DACH2: variants seen among roughly 807,000 people sequenced by gnomAD.
The protein encoded by DACH2 is dachshund family transcription factor 2, also known as dachshund homolog 2.
A neutral mutation model predicts 35.8 loss-of-function variants in DACH2; 17 were observed. The ratio of observed to expected loss-of-function variants is 0.48; its 90% confidence interval spans 0.33 to 0.71. The LOEUF is 0.71. DACH2 is among the 30% of genes least tolerant of loss of function. DACH2 has a pLI of 0.02. For synonymous variants in DACH2, 195 were observed against 177.3 expected (o/e 1.10, Z -0.79); for missense variants, 469 against 472.7 (o/e 0.99, Z 0.07).
chrX:86,556,756 G>GTGTATATA (rs2039125753), intron 3 of DACH2, among the ~76,000 whole-genome samples: 1 of 25,452 alleles, frequency 3.9e-5, no homozygotes, highest in South Asian at 5.9e-3. Context: ...AATAGGATAT[G>GTGTATATA]TATATATATA....
intron 4 of DACH2, among the ~76,000 whole-genome samples, chrX:86,655,508 G>A (rs181160106): frequency 1.8e-3 from 201 of 112,009 alleles, no homozygotes; most frequent in African/African-American, 6.4e-3. Context: ...GGTCAAGTAC[G>A]TAAATGAAAT....
chrX:86,822,079 C>T (rs2042518210), intron 11 of DACH2, among the ~76,000 whole-genome samples: 1 of 111,636 alleles, frequency 9.0e-6, no homozygotes, highest in Admixed American at 9.6e-5. Flanking sequence ...CATATGCCAA[C>T]CCCAACCTAG....
At chrX:86,684,863 T>G in intron 4 of DACH2, among the ~76,000 whole-genome samples, 1 of 111,542 alleles carries the variant, frequency 9.0e-6, no homozygotes, top group South Asian at 3.7e-4. Flanking sequence ...ATACATAAAG[T>G]AAATTTCGAG....
intron 2 of DACH2, among the ~76,000 whole-genome samples, chrX:86,444,189 G>A (rs928569491): frequency 9.0e-6 from 1 of 111,657 alleles, no homozygotes; most frequent in Non-Finnish European, 1.9e-5. Context: ...CTCAGCTTAA[G>A]TGACACTCTC....
At chrX:86,715,734 G>A (rs927866501) in intron 6 of DACH2, among the ~76,000 whole-genome samples, 10 of 111,468 alleles carry the variant, frequency 9.0e-5, no homozygotes, top group Non-Finnish European at 1.9e-4. Flanking sequence ...AGACTATGAT[G>A]GATAACATAG....
At chrX:86,711,779 G>A (rs1377491965) in intron 5 of DACH2, among the ~76,000 whole-genome samples, 1 of 112,406 alleles carries the variant, frequency 8.9e-6, no homozygotes, top group Non-Finnish European at 1.9e-5. Context: ...TGCAGGTCAT[G>A]ATTTCAAAGT....
At chrX:86,375,636 C>G (rs1354450917) in intron 1 of DACH2, among the ~76,000 whole-genome samples, 1 of 106,973 alleles carries the variant, frequency 9.3e-6, no homozygotes, top group African/African-American at 3.4e-5. Context: ...AGATGTAAAG[C>G]AAAATCAAAT....
At chrX:86,608,417 G>A (rs751212150) in intron 3 of DACH2, among the ~76,000 whole-genome samples, 2 of 111,749 alleles carry the variant, frequency 1.8e-5, no homozygotes, top group Non-Finnish European at 3.8e-5. Context: ...CCATTACTAG[G>A]TATTGTTTTT....
intron 7 of DACH2, among the ~76,000 whole-genome samples, chrX:86,778,172 A>G (rs1178877901): frequency 3.6e-5 from 4 of 111,375 alleles, no homozygotes; most frequent in Non-Finnish European, 7.5e-5. Flanking sequence ...GTATAGCTGG[A>G]TCATATGGTA....
At chrX:86,337,946 C>T (rs1330239740) in intron 1 of DACH2, among the ~76,000 whole-genome samples, 1 of 110,725 alleles carries the variant, frequency 9.0e-6, no homozygotes, top group Non-Finnish European at 1.9e-5. Context: ...TAACTTTAAA[C>T]CAACAAAGAT....
chrX:86,453,164 G>C (rs2037412289), intron 2 of DACH2, among the ~76,000 whole-genome samples: 1 of 111,870 alleles, frequency 8.9e-6, no homozygotes, highest in African/African-American at 3.2e-5. Flanking sequence ...TAATTTGATT[G>C]TGCTGTGGTC....
intron 7 of DACH2, among the ~76,000 whole-genome samples, chrX:86,769,613 A>C (rs998213825): frequency 1.8e-5 from 2 of 111,821 alleles, no homozygotes; most frequent in Non-Finnish European, 3.8e-5. Context: ...GAACATTATA[A>C]TATTACTTTA....
intron 3 of DACH2, among the ~76,000 whole-genome samples, chrX:86,555,412 C>T (rs753098477): frequency 5.6e-4 from 62 of 111,224 alleles, no homozygotes; most frequent in African/African-American, 1.8e-3. Flanking sequence ...GTGCTATGTA[C>T]GCTATCAGAT....
chrX:86,328,106 T>C (rs932461827), intron 1 of DACH2, among the ~76,000 whole-genome samples: 17 of 111,531 alleles, frequency 1.5e-4, no homozygotes, highest in African/African-American at 4.9e-4. Flanking sequence ...GACTACATAC[T>C]AAAACATGAA....
In DACH2 at chrX:86,385,424, T is replaced by A. The variant is rs150157012; in HGVS notation, c.527+8562T>A. Among the ~76,000 whole-genome samples the A allele has an allele frequency of 1.1e-3, 124 of 110,899 alleles. 2 individuals carry two copies. The East Asian group carries it at 0.027, about 24-fold the overall frequency. ...TTCTGCATCCTTGGACTGAAAATATTTGAAAAGAAAAACAATATAAATAGC... is the reference window on the plus strand; with the variant it reads ...TTCTGCATCCTTGGACTGAAAATATATGAAAAGAAAAACAATATAAATAGC... On this transcript the variant is annotated intron_variant, in intron 2 of 11. Coordinates refer to ENST00000373125, the MANE Select transcript of DACH2 (RefSeq NM_053281.3).
chrX:86,698,259 A>G (rs1208681670), intron 5 of DACH2, among the ~76,000 whole-genome samples: 1 of 109,219 alleles, frequency 9.2e-6, no homozygotes, highest in African/African-American at 3.3e-5. Flanking sequence ...TTAAAACCCC[A>G]CAAACCTAGA....
At chrX:86,349,975 G>A (rs753418020) in intron 1 of DACH2, among the ~76,000 whole-genome samples, 2 of 111,296 alleles carry the variant, frequency 1.8e-5, no homozygotes, top group Admixed American at 9.5e-5. Flanking sequence ...AGACCAGCCT[G>A]GCCAACCTGG....
chrX:86,526,782 A>G (rs1569428749), intron 3 of DACH2, among the ~76,000 whole-genome samples: 1 of 110,422 alleles, frequency 9.1e-6, no homozygotes, highest in African/African-American at 3.3e-5. Context: ...TGATTAGTAG[A>G]AATGAAAATT....
At chrX:86,698,241 A>G (rs2041089685) in intron 5 of DACH2, among the ~76,000 whole-genome samples, 1 of 109,925 alleles carries the variant, frequency 9.1e-6, no homozygotes, top group South Asian at 3.8e-4. Context: ...AATTAAAAAT[A>G]TGTATATTTA....
Sources: allele counts gnomAD v4.1 joint callset (sites outside exome capture counted in the v4.1 genomes callset), GRCh38; gene constraint gnomAD v4.1.1; transcripts MANE v1.5; gene names NCBI Gene and HGNC (gene_info 2026-07-23, HGNC 2026-07-21).